DNAH5: variants seen among roughly 807,000 people sequenced by gnomAD.
DNAH5 encodes dynein axonemal heavy chain 5, also known as axonemal beta dynein heavy chain 5.
DNAH5 carries 372 observed loss-of-function variants against 518.2 expected under a neutral mutation model. That is an observed-to-expected ratio of 0.72 (90% CI 0.66 to 0.78). The LOEUF (loss-of-function observed/expected upper bound fraction) is 0.78. DNAH5 is among the 30% of genes least tolerant of loss of function. The pLI, the probability that DNAH5 is intolerant of heterozygous loss-of-function variation, is 0.00. For synonymous variants in DNAH5, 2,039 were observed against 2,025.9 expected, an observed-to-expected ratio of 1.01 and a Z score of -0.17; for missense variants, 5,523 against 5,687.0, an observed-to-expected ratio of 0.97 and a Z score of 0.93.
chr5:13,842,423 A>AAAAGAAAAGAAAGAAAGAAAG (rs1554073317), intron 32 of DNAH5, among the ~76,000 whole-genome samples: 10 of 75,896 alleles, frequency 1.3e-4, no homozygotes, highest in Non-Finnish European at 2.4e-4. Flanking sequence ...AAAAGAAAAG[A>AAAAGAAAAGAAAGAAAGAAAG]AAAGAAAGAA....
chr5:13,764,581 A>G (rs1198554655), intron 59 of DNAH5, among the ~76,000 whole-genome samples: 1 of 152,232 alleles, frequency 6.6e-6, no homozygotes, highest in Non-Finnish European at 1.5e-5. Flanking sequence ...TGAGCAACTT[A>G]TACACTGCTG....
intron 32 of DNAH5, among the ~76,000 whole-genome samples, chr5:13,844,250 A>G (rs759252895): frequency 2.6e-5 from 4 of 152,214 alleles, no homozygotes; most frequent in Non-Finnish European, 5.9e-5. Context: ...AGGGGTTTGT[A>G]TGAAGCACCA....
chr5:13,946,492 C>A (rs139363475), upstream of DNAH5, among the ~76,000 whole-genome samples: 45 of 152,284 alleles, frequency 3.0e-4, no homozygotes, highest in East Asian at 8.5e-3. Context: ...AGGCCACCTA[C>A]CCCCGCCAGC....
In DNAH5 at chr5:13,920,454, A is replaced by G. The variant is rs1387289922; in HGVS notation, c.798+26T>C. The G allele has an allele frequency of 3.1e-6, 5 of 1,613,788 alleles. No homozygotes were observed. The Admixed American group carries it at 6.7e-5, about 22-fold the overall frequency. On this transcript the variant is annotated intron_variant, in intron 6 of 78. Transcript: ENST00000265104. ...CTAGCGCAGTAATGTGGCACCTGAA[A>G]TTGATGTTTGGTTTCTCAAAATTAC... is the stretch of plus-strand genomic sequence containing the variant.
chr5:13,792,210 A>G lies in DNAH5; in HGVS notation c.8232T>C (p.Ile2744=). The G allele has an allele frequency of 6.2e-7, 1 of 1,613,448 alleles. No individual in the cohort carries two copies. The highest frequency in any genetic ancestry group is 8.5e-7 in the Non-Finnish European group (1 of 1,179,412). The change falls in exon 50 of 79, where the codon ATT becomes ATC. Residue 2744 remains isoleucine (I), a synonymous_variant. Transcript: ENST00000265104. Reference sequence around the variant, plus strand: ...TCTGAGTACAGTAGTGGCCTACCCCAATCACACCTGAAAAGGGGGAAATTA... The same window carrying G: ...TCTGAGTACAGTAGTGGCCTACCCCGATCACACCTGAAAAGGGGGAAATTA... ...EASVDKIFGV[I]GVGHYCTQRG...
At chr5:13,849,688 A>C (rs1766547355) in intron 31 of DNAH5, among the ~76,000 whole-genome samples, 1 of 152,054 alleles carries the variant, frequency 6.6e-6, no homozygotes, top group Admixed American at 6.6e-5. Context: ...TTTCTCATGC[A>C]TTGTTATTTT....
intron 75 of DNAH5, among the ~76,000 whole-genome samples, chr5:13,712,374 A>G (rs1743605546): frequency 6.6e-6 from 1 of 152,244 alleles, no homozygotes; most frequent in African/African-American, 2.4e-5. Flanking sequence ...ATTCTCGACA[A>G]TAACATTGGA....
At chr5:13,970,252 G>T (rs1285603362) in intron 1 of DNAH5, among the ~76,000 whole-genome samples, 1 of 152,090 alleles carries the variant, frequency 6.6e-6, no homozygotes, top group African/African-American at 2.4e-5. Context: ...ATTCTGCCTT[G>T]CTGTATCTTT....
chr5:13,857,305 G>A (rs1299916302), intron 30 of DNAH5, among the ~76,000 whole-genome samples: 2 of 152,096 alleles, frequency 1.3e-5, no homozygotes, highest in East Asian at 3.8e-4. Context: ...CAATTTACAA[G>A]GGATGTGAAG....
intron 32 of DNAH5, among the ~76,000 whole-genome samples, chr5:13,844,337 T>C (rs1765672084): frequency 1.3e-5 from 2 of 152,286 alleles, no homozygotes; most frequent in Non-Finnish European, 2.9e-5. Context: ...GATTAGACAA[T>C]AGATTTCCGC....
intron 1 of DNAH5, among the ~76,000 whole-genome samples, chr5:13,991,050 G>A (rs1232971460): frequency 6.6e-6 from 1 of 152,168 alleles, no homozygotes; most frequent in Non-Finnish European, 1.5e-5. Flanking sequence ...CACAGTAGGT[G>A]TCGGGGGCTG....
At position 13,786,313 on chromosome 5, in the gene DNAH5, T is replaced by C. The variant is rs781484224; in HGVS notation, c.8686A>G (p.Ile2896Val). 5.6e-6 allele frequency: 9 copies of C among 1,614,088 alleles called. No homozygotes were observed. In the South Asian group the frequency reaches 7.7e-5, roughly 14 times the overall value. The part of the protein sequence containing the change: ...SEEADAETPK[I>V]YEPIESFSHL... ...CTAAAAGATTCAATTGGCTCATAAATTTTAGGTGTTTCAGCATCAGCCTCT... is the reference window on the plus strand; with the variant it reads ...CTAAAAGATTCAATTGGCTCATAAACTTTAGGTGTTTCAGCATCAGCCTCT... Residue 2896 changes from isoleucine (I) to valine (V), a missense_variant, in exon 52 of 79, where the codon ATT becomes GTT. By Grantham distance (29) the Ile-to-Val change is conservative. This residue lies in a region of DNAH5 where 5,121 missense variants were observed against 5,223.3 expected (regional missense o/e 0.98). Coordinates refer to ENST00000265104, the MANE Select transcript of DNAH5 (RefSeq NM_001369.3).
chr5:13,773,193 T>C (rs1054047411), intron 55 of DNAH5, among the ~76,000 whole-genome samples: 2 of 152,184 alleles, frequency 1.3e-5, no homozygotes, highest in South Asian at 4.1e-4. Flanking sequence ...ATTGGAGCTA[T>C]AACCACAAAA....
At chr5:13,894,387 G>A (rs962566736) in intron 16 of DNAH5, among the ~76,000 whole-genome samples, 6 of 152,090 alleles carry the variant, frequency 3.9e-5, no homozygotes, top group Admixed American at 3.9e-4. Flanking sequence ...TAACTCTAAA[G>A]ATACTTTAAA....
chr5:13,906,757 T>A (rs1775348801), intron 12 of DNAH5, among the ~76,000 whole-genome samples: 4 of 152,222 alleles, frequency 2.6e-5, no homozygotes, highest in Middle Eastern at 6.8e-3. Flanking sequence ...TAACAAACAT[T>A]ACGTGATACT....
In DNAH5 at chr5:13,735,622, A is replaced by C. The variant is rs569832826; in HGVS notation, c.11570+196T>G. ...GCCAAAGGAATCAAATCAATGGATA[A>C]ATAGTTGGTAGAGTTTTCTCTGGGC... is the stretch of plus-strand genomic sequence containing the variant. On this transcript the variant is annotated intron_variant, in intron 67 of 78. Transcript: ENST00000265104. Among the ~76,000 whole-genome samples the C allele has an allele frequency of 1.8e-4, 28 of 152,356 alleles. No individual in the cohort carries two copies. The Middle Eastern group carries it at 0.01, about 56-fold the overall frequency.
chr5:13,975,670 T>G (rs1403442073), intron 1 of DNAH5, among the ~76,000 whole-genome samples: 1 of 152,216 alleles, frequency 6.6e-6, no homozygotes, highest in East Asian at 1.9e-4. Context: ...AAATTCTGTT[T>G]TGCAGTCTTC....
At chr5:13,793,812 C>G in intron 48 of DNAH5, 84 bp from the exon 49 acceptor site, 1 of 1,566,062 alleles carries the variant, frequency 6.4e-7, no homozygotes, top group Non-Finnish European at 8.7e-7. Context: ...AAAGAAAGAA[C>G]TTTACTGGAA....
intron 29 of DNAH5, chr5:13,860,205 T>C (rs922467293): frequency 2.0e-5 from 3 of 152,626 alleles, no homozygotes; most frequent in Non-Finnish European, 4.4e-5. Flanking sequence ...TGAGACAGAC[T>C]GCCTGTGGGT....
Sources: gnomAD v4.1 joint callset for allele counts (sites outside exome capture counted in the v4.1 genomes callset) on GRCh38, gnomAD v4.1.1 for gene constraint, gnomAD v4.1.1 regional missense constraint, MANE v1.5 for transcripts, NCBI Gene and HGNC (gene_info 2026-07-23, HGNC 2026-07-21) for gene names.